The following CEP128 variants were observed in gnomAD, a reference collection of about 807,000 sequenced individuals.
The protein encoded by CEP128 is centrosomal protein 128kDa.
A neutral mutation model predicts 156.7 loss-of-function variants in CEP128; 132 were observed. The observed-to-expected ratio is 0.84, with a 90% CI of 0.73 to 0.97. The LOEUF is 0.97. Ranked by LOEUF, CEP128 falls within the 50% of genes least tolerant of loss-of-function variation. The pLI is 0.00. For synonymous variants in CEP128, 469 were observed against 448.9 expected (o/e 1.04, Z -0.57); for missense variants, 1,252 against 1,281.9 (o/e 0.98, Z 0.36).
intron 12 of CEP128, among the ~76,000 whole-genome samples, chr14:80,835,252 G>T (rs571704789): frequency 1.3e-5 from 2 of 152,108 alleles, no homozygotes; most frequent in Non-Finnish European, 2.9e-5. Context: ...ACAGAACTGC[G>T]ATCTAAATAA....
intron 19 of CEP128, among the ~76,000 whole-genome samples, chr14:80,652,829 C>T (rs1463055972): frequency 1.3e-5 from 2 of 152,108 alleles, no homozygotes; most frequent in Non-Finnish European, 2.9e-5. Context: ...CCCAGCAATC[C>T]CATTACTGGG....
intron 16 of CEP128, among the ~76,000 whole-genome samples, chr14:80,774,635 GTA>G (rs991519626): frequency 1.3e-4 from 19 of 151,850 alleles, no homozygotes; most frequent in South Asian, 8.3e-4. Context: ...GCGTGTGTGT[GTA>G]TGTGTGTGTG....
intron 4 of CEP128, among the ~76,000 whole-genome samples, chr14:80,913,440 G>A (rs980305444): frequency 4.6e-5 from 7 of 151,960 alleles, no homozygotes; most frequent in Non-Finnish European, 8.8e-5. Flanking sequence ...AAAGCAAATC[G>A]CACATATGCT....
intron 21 of CEP128, among the ~76,000 whole-genome samples, chr14:80,555,718 G>A (rs1890405332): frequency 6.6e-6 from 1 of 151,922 alleles, no homozygotes; most frequent in Admixed American, 6.6e-5. Flanking sequence ...TCTCACTACT[G>A]ATTCTTCATA....
chr14:80,582,885 G>A (rs1334787729), intron 19 of CEP128, among the ~76,000 whole-genome samples: 1 of 152,098 alleles, frequency 6.6e-6, no homozygotes, highest in Admixed American at 6.5e-5. Context: ...GAATTAGATT[G>A]TTTAATGGTG....
intron 19 of CEP128, among the ~76,000 whole-genome samples, chr14:80,685,710 T>C (rs1425354711): frequency 1.3e-5 from 2 of 152,102 alleles, no homozygotes; most frequent in African/African-American, 4.8e-5. Flanking sequence ...TGTCAAACTA[T>C]ACTATAAGGC....
chr14:80,514,817 C>T (rs369489976), intron 23 of CEP128: 40 of 191,022 alleles, frequency 2.1e-4, no homozygotes, highest in African/African-American at 9.1e-4. Context: ...AGTTGGGTAT[C>T]TATTGTAGTC....
intron 18 of CEP128, among the ~76,000 whole-genome samples, chr14:80,749,598 GA>G (rs1384547857): frequency 3.9e-5 from 6 of 152,138 alleles, no homozygotes; most frequent in Non-Finnish European, 7.3e-5. Flanking sequence ...CACTGAGATA[GA>G]AAGTAGAATG....
intron 12 of CEP128, among the ~76,000 whole-genome samples, chr14:80,835,686 C>A (rs897031539): frequency 6.6e-6 from 1 of 152,070 alleles, no homozygotes; most frequent in African/African-American, 2.4e-5. Context: ...ATTTTTCAAA[C>A]ACAAAGTATT....
At chr14:80,657,646 G>A (rs192026946) in intron 19 of CEP128, among the ~76,000 whole-genome samples, 4 of 152,146 alleles carry the variant, frequency 2.6e-5, no homozygotes, top group Admixed American at 1.3e-4. Context: ...GTGAGACTCT[G>A]TCTCAAAAAC....
At chr14:80,637,150 C>T (rs1403822742) in intron 19 of CEP128, among the ~76,000 whole-genome samples, 2 of 151,594 alleles carry the variant, frequency 1.3e-5, no homozygotes, top group Non-Finnish European at 2.9e-5. Context: ...GCTTAAAACC[C>T]TGCAATCAGA....
chr14:80,799,380 T>C (rs530267053), intron 13 of CEP128, among the ~76,000 whole-genome samples: 1 of 152,214 alleles, frequency 6.6e-6, no homozygotes, highest in South Asian at 2.1e-4. Context: ...ACTGTGATAA[T>C]TGTGTTAAGC....
At chr14:80,607,260 T>C (rs1892820915) in intron 19 of CEP128, among the ~76,000 whole-genome samples, 1 of 151,930 alleles carries the variant, frequency 6.6e-6, no homozygotes, top group African/African-American at 2.4e-5. Context: ...TAGGTATAAA[T>C]TGATAAAGAC....
chr14:80,740,547 C>CAGAT (rs1327613456), intron 19 of CEP128, among the ~76,000 whole-genome samples: 5,685 of 99,210 alleles, frequency 0.057, 174 homozygotes, highest in South Asian at 0.092. Context: ...GATAGATAGA[C>CAGAT]AGACAGATAG....
At position 80,517,675 on chromosome 14, in the gene CEP128, G is replaced by A. The variant is rs939168233; in HGVS notation, c.3072+9194C>T. 1.7e-4 allele frequency among the ~76,000 whole-genome samples: 26 copies of A among 152,198 alleles called. No homozygotes were observed. The East Asian group carries it at 3.7e-3, about 21-fold the overall frequency. Reference sequence around the variant, plus strand: ...TTGTTCTTAGAGCTCCCAAGATGGCGGCAAGCCTCTTGTTCTCTGACCTGG... The same window carrying A: ...TTGTTCTTAGAGCTCCCAAGATGGCAGCAAGCCTCTTGTTCTCTGACCTGG... On this transcript the variant is annotated intron_variant, in intron 23 of 24. Coordinates refer to ENST00000555265, the MANE Select transcript of CEP128 (RefSeq NM_152446.5).
chr14:80,856,708 T>C (rs1181057746), intron 9 of CEP128, among the ~76,000 whole-genome samples: 1 of 145,874 alleles, frequency 6.9e-6, no homozygotes, highest in Admixed American at 6.9e-5. Context: ...ATTTATCTCA[T>C]GTTTTTCTTT....
At chr14:80,914,544 G>A in intron 3 of CEP128, 136 bp from the exon 4 acceptor site, 1 of 631,584 alleles carries the variant, frequency 1.6e-6, no homozygotes, top group Non-Finnish European at 2.8e-6. Flanking sequence ...GAATATCAAT[G>A]TACTTCACAC....
chr14:80,650,435 C>T (rs1419279175), intron 19 of CEP128, among the ~76,000 whole-genome samples: 16 of 152,082 alleles, frequency 1.1e-4, no homozygotes, highest in Admixed American at 9.8e-4. Flanking sequence ...TTACCGTGGC[C>T]AGAACTTCCA....
chr14:80,919,639 T>C (rs952523949), intron 2 of CEP128, among the ~76,000 whole-genome samples: 1 of 152,064 alleles, frequency 6.6e-6, no homozygotes, highest in Non-Finnish European at 1.5e-5. Flanking sequence ...TAAATATTAA[T>C]AAGTAAAGAT....
Sources: allele counts gnomAD v4.1 joint callset (sites outside exome capture counted in the v4.1 genomes callset), GRCh38; gene constraint gnomAD v4.1.1; transcripts MANE v1.5; gene names NCBI Gene and HGNC (gene_info 2026-07-23, HGNC 2026-07-21).